Variants in COL19A1 observed in about 807,000 individuals in gnomAD.
COL19A1 encodes the protein collagen type XIX alpha 1 chain.
COL19A1 carries 159 observed loss-of-function variants against 190.2 expected under a neutral mutation model. The observed-to-expected ratio is 0.84, with a 90% CI of 0.73 to 0.95. COL19A1 has a LOEUF of 0.95. Among genes scored for constraint, COL19A1 ranks in the 40% least tolerant of loss-of-function variants. The probability of loss-of-function intolerance (pLI) is 0.00; values close to 1 mark genes in which losing one functional copy is unlikely to be tolerated. For synonymous variants in COL19A1, 509 were observed against 458.9 expected (o/e 1.11, Z -1.39); for missense variants, 1,418 against 1,431.9 (o/e 0.99, Z 0.16).
intron 11 of COL19A1, among the ~76,000 whole-genome samples, chr6:69,966,164 C>T (rs988272751): frequency 5.9e-5 from 9 of 152,070 alleles, no homozygotes; most frequent in South Asian, 2.1e-4. Context: ...GGGCAGCCCC[C>T]GCCCGGCCAG....
At chr6:70,079,464 A>G (rs2150161940) in intron 15 of COL19A1, among the ~76,000 whole-genome samples, 1 of 152,288 alleles carries the variant, frequency 6.6e-6, no homozygotes, top group East Asian at 1.9e-4. Context: ...GGGAGAAACT[A>G]GAAAGAAAAG....
chr6:70,046,225 G>A (rs570162960), intron 14 of COL19A1, among the ~76,000 whole-genome samples: 1 of 152,214 alleles, frequency 6.6e-6, no homozygotes, highest in South Asian at 2.1e-4. Context: ...CTTGGTCCTA[G>A]TTACCATTAT....
chr6:69,970,426 A>G (rs1365939599), intron 11 of COL19A1, among the ~76,000 whole-genome samples: 1 of 152,208 alleles, frequency 6.6e-6, no homozygotes, highest in Non-Finnish European at 1.5e-5. Flanking sequence ...AAATAATTAA[A>G]CCAAGGAATG....
At chr6:70,135,106 T>A (rs1785768411) in intron 18 of COL19A1, among the ~76,000 whole-genome samples, 2 of 152,130 alleles carry the variant, frequency 1.3e-5, no homozygotes, top group South Asian at 4.2e-4. Flanking sequence ...TTATAAAGGA[T>A]GTTACAAAGT....
intron 4 of COL19A1, among the ~76,000 whole-genome samples, chr6:69,922,477 GTTT>G (rs5877232): frequency 6.6e-4 from 60 of 90,808 alleles, no homozygotes; most frequent in African/African-American, 2.3e-3. Flanking sequence ...TTCTATTTAG[GTTT>G]TTTTTTTTTT....
At chr6:70,109,828 T>C (rs1361011670) in intron 16 of COL19A1, among the ~76,000 whole-genome samples, 1 of 152,106 alleles carries the variant, frequency 6.6e-6, no homozygotes, top group African/African-American at 2.4e-5. Context: ...TCATCACATC[T>C]AAGTCTTTTC....
intron 14 of COL19A1, among the ~76,000 whole-genome samples, chr6:70,036,582 A>G (rs895342208): frequency 6.6e-6 from 1 of 152,160 alleles, no homozygotes; most frequent in Admixed American, 6.5e-5. Flanking sequence ...ATTTACTATT[A>G]CAGACTTTTT....
At chr6:70,028,907 C>G (rs1778870973) in intron 12 of COL19A1, among the ~76,000 whole-genome samples, 1 of 151,098 alleles carries the variant, frequency 6.6e-6, no homozygotes, top group Non-Finnish European at 1.5e-5. Context: ...ACATTTAGCT[C>G]TAATAGGTAC....
intron 11 of COL19A1, among the ~76,000 whole-genome samples, chr6:69,994,544 T>A (rs948098243): frequency 6.6e-6 from 1 of 152,132 alleles, no homozygotes; most frequent in African/African-American, 2.4e-5. Context: ...CAGATGAGTA[T>A]AAAATTTCAT....
intron 15 of COL19A1, among the ~76,000 whole-genome samples, chr6:70,089,292 C>CT (rs1469252223): frequency 6.6e-6 from 1 of 152,036 alleles, no homozygotes; most frequent in Non-Finnish European, 1.5e-5. Flanking sequence ...AAGATAAGGG[C>CT]TTTTTTTCTT....
chr6:69,889,995 T>A (rs893576764), intron 2 of COL19A1: 1 of 152,472 alleles, frequency 6.6e-6, no homozygotes, highest in Non-Finnish European at 1.5e-5. Flanking sequence ...GTCCACGGCT[T>A]CATTCTTGAA....
chr6:69,919,140 C>A (rs992091885), intron 4 of COL19A1, among the ~76,000 whole-genome samples: 1 of 152,186 alleles, frequency 6.6e-6, no homozygotes, highest in Non-Finnish European at 1.5e-5. Context: ...CTCAGGAGAG[C>A]TTCCTTCTCT....
At chr6:70,141,811 T>C in intron 20 of COL19A1, 82 bp from the exon 21 acceptor site, 1 of 904,396 alleles carries the variant, frequency 1.1e-6, no homozygotes. Flanking sequence ...TGTTAATTAG[T>C]AGAAATTCAA....
In COL19A1 at chr6:70,151,394, C is replaced by T; in HGVS notation, c.2038-3C>T. On this transcript the variant is annotated splice_polypyrimidine_tract_variant and splice_region_variant and intron_variant, in intron 30 of 50. Coordinates refer to ENST00000620364, the MANE Select transcript of COL19A1 (RefSeq NM_001858.6). ...GTATTTGGTTTTATCTTCTTAACCA[C>T]AGATTGCACTTCCTCTCTTGGGAGA... 1 of 1,612,560 alleles carries T rather than the reference C, an allele frequency of 6.2e-7. No homozygotes were observed. The highest frequency in any genetic ancestry group is 8.5e-7 in the Non-Finnish European group (1 of 1,178,916).
intron 11 of COL19A1, among the ~76,000 whole-genome samples, chr6:69,983,290 T>C (rs1220088743): frequency 6.6e-6 from 1 of 152,188 alleles, no homozygotes; most frequent in South Asian, 2.1e-4. Context: ...TTGAATACTT[T>C]TAAATTTTAA....
At chr6:69,913,050 C>T (rs1198977187) in intron 4 of COL19A1, among the ~76,000 whole-genome samples, 2 of 152,116 alleles carry the variant, frequency 1.3e-5, no homozygotes, top group East Asian at 3.9e-4. Context: ...GATCATGCCA[C>T]TACACTCCAG....
At chr6:69,903,695 T>C (rs1770335694) in intron 4 of COL19A1, among the ~76,000 whole-genome samples, 1 of 152,212 alleles carries the variant, frequency 6.6e-6, no homozygotes, top group Non-Finnish European at 1.5e-5. Context: ...AGCCTACTGA[T>C]ATTCTCAGGT....
chr6:69,927,950 C>G lies in COL19A1; in HGVS notation c.308C>G (p.Ala103Gly). 1.2e-6 allele frequency: 2 copies of G among 1,613,346 alleles called. No homozygotes were observed. Among genetic ancestry groups the G allele is most frequent in the Non-Finnish European group, 1.7e-6 (2 of 1,179,502 alleles). The change falls in exon 5 of 51, where the codon GCT (alanine) becomes GGT (glycine). Residue 103 changes from alanine (A) to glycine (G), a missense_variant. Transcript: ENST00000620364. ...GGCCTTCCTGAGGAGTACTCAGTAG[C>G]TGCCATGTTTCGAGTACGAAGAAAC... is the stretch of plus-strand genomic sequence containing the variant. ...PKGLPEEYSV[A>G]AMFRVRRNAK...
chr6:70,094,639 A>G (rs1039272336), intron 15 of COL19A1, among the ~76,000 whole-genome samples: 1 of 152,160 alleles, frequency 6.6e-6, no homozygotes, highest in Non-Finnish European at 1.5e-5. Flanking sequence ...TCTCTTCTTA[A>G]TGCTTCTAAG....
Sources: gnomAD v4.1 joint callset for allele counts (sites outside exome capture counted in the v4.1 genomes callset) on GRCh38, gnomAD v4.1.1 for gene constraint, MANE v1.5 for transcripts, NCBI Gene and HGNC (gene_info 2026-07-23, HGNC 2026-07-21) for gene names.